The following MDH1 variants were observed in gnomAD, a reference collection of about 807,000 sequenced individuals.
The protein encoded by MDH1 is malate dehydrogenase, cytoplasmic.
Under a neutral mutation model 38.7 loss-of-function variants are expected in MDH1, and 15 were observed. That is an observed-to-expected ratio of 0.39 (90% CI 0.26 to 0.60). The LOEUF is 0.60. Ranked by LOEUF, MDH1 falls within the 20% of genes least tolerant of loss-of-function variation. The pLI, the probability that MDH1 is intolerant of heterozygous loss-of-function variation, is 0.56. For missense variants in MDH1, 368 were observed against 405.2 expected, an observed-to-expected ratio of 0.91 and a Z score of 0.79; for synonymous variants, 144 against 143.6, an observed-to-expected ratio of 1.00 and a Z score of -0.02.
chr2:63,591,279 A>G (rs886132766), intron 1 of MDH1, among the ~76,000 whole-genome samples: 3 of 152,242 alleles, frequency 2.0e-5, no homozygotes, highest in Admixed American at 1.3e-4. Context: ...TTCAACTGCA[A>G]TGTTGCAGAA....
intron 1 of MDH1, chr2:63,590,407 C>T (rs1349714586): frequency 6.6e-6 from 1 of 152,032 alleles, no homozygotes; most frequent in Admixed American, 6.6e-5. Flanking sequence ...TTATAGGGAC[C>T]ACCGCAGTGA....
intron 1 of MDH1, chr2:63,590,978 G>A (rs963541171): frequency 3.9e-5 from 6 of 152,186 alleles, no homozygotes; most frequent in Non-Finnish European, 7.4e-5. Context: ...GTACTGCTTA[G>A]TTTTTTGTGT....
chr2:63,604,621 C>A, intron 5 of MDH1, 75 bp from the exon 6 acceptor site: 3 of 1,118,092 alleles, frequency 2.7e-6, no homozygotes, highest in Non-Finnish European at 3.9e-6. Flanking sequence ...TATTTAAGGG[C>A]ATTTGTCAAA....
At chr2:63,599,586 A>G (rs1045735891) in intron 5 of MDH1, 1 of 204,452 alleles carries the variant, frequency 4.9e-6, no homozygotes, top group Non-Finnish European at 9.9e-6. Context: ...GTGGTTAAAA[A>G]TTAGTTATAC....
At chr2:63,601,193 T>A (rs1046666387) in intron 5 of MDH1, among the ~76,000 whole-genome samples, 1 of 152,194 alleles carries the variant, frequency 6.6e-6, no homozygotes, top group African/African-American at 2.4e-5. Flanking sequence ...TGAGAGCTTT[T>A]AGGGAGTCAT....
Position 63,597,439 on chromosome 2 carries a change from C to A in MDH1, c.240C>A (p.Asp80Glu), listed in dbSNP as rs1432905804. The A allele has an allele frequency of 1.6e-5, 24 of 1,472,692 alleles. No homozygotes were observed. Among genetic ancestry groups the A allele is most frequent in the Non-Finnish European group, 2.2e-5 (24 of 1,101,468 alleles). The allele number at this position is 1,472,692 out of a possible 1,614,324, so 91.2% of individuals were successfully genotyped here. Residue 80 changes from aspartate to glutamate, a missense_variant, in exon 4 of 9, where the codon GAC becomes GAA. Transcript: ENST00000233114. ...ATAAAGAAGACGTTGCCTTCAAAGA[C>A]CTGGATGTGGCCATTCTTGTGGGCT... ...ATDKEDVAFK[D>E]LDVAILVGSM... is the part of the protein sequence containing the mutation.
intron 1 of MDH1, chr2:63,589,480 C>G (rs1709111620): frequency 1.6e-6 from 2 of 1,246,328 alleles, no homozygotes; most frequent in Non-Finnish European, 2.3e-6. Context: ...ACCTTGAAAG[C>G]AAAAAGCTGG....
At chr2:63,603,291 C>G (rs909689238) in intron 5 of MDH1, among the ~76,000 whole-genome samples, 3 of 152,114 alleles carry the variant, frequency 2.0e-5, no homozygotes, top group Non-Finnish European at 4.4e-5. Flanking sequence ...TGAGTTGTTT[C>G]AGTTTGGAGC....
Position 63,594,513 on chromosome 2 carries a change from C to A in MDH1, c.29C>A (p.Thr10Asn). The change falls in exon 2 of 9, where the codon ACT becomes AAT. Residue 10 changes from threonine to asparagine, a missense_variant. Transcript: ENST00000233114. MSEPIRVLV[T>N]GAAGQIAYSL... ...TCTGAACCAATCAGAGTCCTTGTGA[C>A]TGGAGCAGCTGGTCAAATTGCATAT... is the stretch of plus-strand genomic sequence containing the variant. 6.2e-7 allele frequency: 1 copy of A among 1,613,648 alleles called. No individual in the cohort carries two copies. Among genetic ancestry groups the A allele is most frequent in the Non-Finnish European group, 8.5e-7 (1 of 1,179,680 alleles).
At chr2:63,590,514 T>A (rs944146903) in intron 1 of MDH1, 1 of 152,228 alleles carries the variant, frequency 6.6e-6, no homozygotes, top group Non-Finnish European at 1.5e-5. Flanking sequence ...ATACTGCATA[T>A]ACAAACTCAA....
At chr2:63,592,718 G>T (rs1199679042) in intron 1 of MDH1, among the ~76,000 whole-genome samples, 1 of 152,348 alleles carries the variant, frequency 6.6e-6, no homozygotes, top group South Asian at 2.1e-4. Context: ...TTTTCAAACA[G>T]TTCTTATACA....
chr2:63,591,693 A>G (rs1226357990), intron 1 of MDH1, among the ~76,000 whole-genome samples: 1 of 152,208 alleles, frequency 6.6e-6, no homozygotes, highest in Admixed American at 6.5e-5. Context: ...CTTTTTGTGG[A>G]AATGCAAATC....
chr2:63,593,687 G>A lies in MDH1; in HGVS notation c.4-801G>A, dbSNP rs1175437826. The A allele has an allele frequency of 1.5e-5, 7 of 471,258 alleles. No homozygotes were observed. The East Asian group carries it at 4.2e-4, about 28-fold the overall frequency. 29.2% of individuals were successfully genotyped at this position (471,258 alleles called of 1,614,324 possible). ...CCCAGCATTATCGGGGAAAGGAATG[G>A]TTCACCTTAACTGAATTTTTCTGTC... On this transcript the variant is annotated intron_variant, in intron 1 of 8. Coordinates refer to ENST00000233114, the MANE Select transcript of MDH1 (RefSeq NM_005917.4).
intron 3 of MDH1, among the ~76,000 whole-genome samples, chr2:63,596,116 A>G (rs1709307794): frequency 1.3e-5 from 2 of 152,246 alleles, no homozygotes; most frequent in Admixed American, 1.3e-4. Flanking sequence ...CACAGATATA[A>G]TAAGGAAGCC....
chr2:63,592,607 C>T (rs1001914696), intron 1 of MDH1, among the ~76,000 whole-genome samples: 15 of 152,236 alleles, frequency 9.9e-5, no homozygotes, highest in African/African-American at 2.9e-4. Context: ...TGTCCCCCCG[C>T]GCAATGCGCT....
chr2:63,594,501 G>C lies in MDH1; in HGVS notation c.17G>C (p.Arg6Thr). The change falls in exon 2 of 9, where the codon AGA (arginine) becomes ACA (threonine). Residue 6 changes from arginine to threonine, a missense_variant. Transcript: ENST00000233114. ...TTTTCATTACAGTCTGAACCAATCA[G>C]AGTCCTTGTGACTGGAGCAGCTGGT... Reference protein sequence around the residue: MSEPIRVLVTGAAGQI... With the variant: MSEPITVLVTGAAGQI... 1 of 1,613,224 alleles carries C rather than the reference G, an allele frequency of 6.2e-7. No homozygotes were observed. Among genetic ancestry groups the C allele is most frequent in the Non-Finnish European group, 8.5e-7 (1 of 1,179,272 alleles).
chr2:63,607,128 A>G lies in MDH1; in HGVS notation c.*141A>G. 1.4e-6 allele frequency: 1 copy of G among 732,862 alleles called. No individual in the cohort carries two copies. The allele number at this position is 732,862 out of a possible 1,614,324, so 45.4% of individuals were successfully genotyped here. A position where few individuals can be genotyped will look rare whatever the true frequency, so the allele number is the denominator to read the frequency against. On this transcript the variant is annotated 3_prime_UTR_variant, in exon 9 of 9. Transcript: ENST00000233114. ...TTAAAGATTACGTGCTTCTTGGTAC[A>G]GGTTTGTGAATGACAGTTTATCGTC...
In MDH1 at chr2:63,599,201, A is replaced by G; in HGVS notation, c.407A>G (p.Asn136Ser). ...VIVVGNPANTNCLTASKSAPS... is the reference protein window; with the variant it reads ...VIVVGNPANTSCLTASKSAPS... The stretch of plus-strand genomic sequence containing the variant: ...GTTGTGGGTAATCCAGCCAATACCA[A>G]CTGCCTGACTGCTTCCAAGTCAGCT... The change falls in exon 5 of 9, where the codon AAC becomes AGC. Residue 136 changes from asparagine (N) to serine (S), a missense_variant. Coordinates refer to ENST00000233114, the MANE Select transcript of MDH1 (RefSeq NM_005917.4). The G allele has an allele frequency of 6.2e-7, 1 of 1,613,822 alleles. No individual in the cohort carries two copies. Among genetic ancestry groups the G allele is most frequent in the Non-Finnish European group, 8.5e-7 (1 of 1,179,780 alleles).
chr2:63,591,836 C>T (rs1047559605), intron 1 of MDH1, among the ~76,000 whole-genome samples: 15 of 152,314 alleles, frequency 9.8e-5, no homozygotes, highest in African/African-American at 2.9e-4. Flanking sequence ...ATACTCACTA[C>T]GTACTGTTCT....
Sources: gnomAD v4.1 joint callset for allele counts (sites outside exome capture counted in the v4.1 genomes callset) on GRCh38, gnomAD v4.1.1 for gene constraint, MANE v1.5 for transcripts, NCBI Gene and HGNC (gene_info 2026-07-23, HGNC 2026-07-21) for gene names.